Variants in NEDD4L observed in about 807,000 individuals in gnomAD.
The protein encoded by NEDD4L is E3 ubiquitin-protein ligase NEDD4-like.
In NEDD4L, 54 loss-of-function variants were observed where a neutral mutation model predicts 148.9. The observed-to-expected ratio is 0.36, with a 90% CI of 0.29 to 0.45. NEDD4L has a LOEUF of 0.45. Among genes scored for constraint, NEDD4L ranks in the 20% least tolerant of loss-of-function variants. The pLI is 1.00. For missense variants in NEDD4L, 856 were observed against 1,233.8 expected (o/e 0.69, Z 4.59); for synonymous variants, 433 against 440.7 (o/e 0.98, Z 0.22).
intron 2 of NEDD4L, among the ~76,000 whole-genome samples, chr18:58,193,388 C>T (rs1406441001): frequency 1.3e-5 from 2 of 152,234 alleles, no homozygotes; most frequent in South Asian, 2.1e-4. Flanking sequence ...TCCTGTCATA[C>T]TGCAAACAGA....
At chr18:58,338,293 CA>C (rs1857681367) in intron 13 of NEDD4L, among the ~76,000 whole-genome samples, 1 of 152,198 alleles carries the variant, frequency 6.6e-6, no homozygotes, top group African/African-American at 2.4e-5. Flanking sequence ...CACAGAACAG[CA>C]GAAGGCTGGT....
intron 5 of NEDD4L, among the ~76,000 whole-genome samples, chr18:58,315,556 A>G (rs1032125642): frequency 1.3e-5 from 2 of 152,120 alleles, no homozygotes; most frequent in East Asian, 1.9e-4. Context: ...TAACTAGGCC[A>G]TATACTTTTT....
chr18:58,341,536 TA>T, intron 14 of NEDD4L, 141 bp from the exon 15 acceptor site: 1 of 841,502 alleles, frequency 1.2e-6, no homozygotes, highest in South Asian at 1.8e-5. Context: ...CCCCCATCAT[TA>T]TGTTTAATTA....
At chr18:58,242,513 C>G (rs1160944257) in intron 2 of NEDD4L, among the ~76,000 whole-genome samples, 1 of 151,792 alleles carries the variant, frequency 6.6e-6, no homozygotes, top group African/African-American at 2.4e-5. Flanking sequence ...GAGACAGGGT[C>G]TCACTCTGTC....
At chr18:58,162,802 G>A (rs1259166695) in intron 1 of NEDD4L, among the ~76,000 whole-genome samples, 2 of 151,990 alleles carry the variant, frequency 1.3e-5, no homozygotes, top group South Asian at 2.1e-4. Context: ...AGTGGCTCAC[G>A]CCTGTAATCC....
At chr18:58,047,344 G>C (rs2081632624) in intron 1 of NEDD4L, 8 of 985,048 alleles carry the variant, frequency 8.1e-6, no homozygotes, top group Non-Finnish European at 9.6e-6. Context: ...GAAAAGCATG[G>C]TATGTTTGGA....
intron 1 of NEDD4L, among the ~76,000 whole-genome samples, chr18:58,060,286 G>A (rs750014913): frequency 6.6e-6 from 1 of 152,178 alleles, no homozygotes; most frequent in Non-Finnish European, 1.5e-5. Flanking sequence ...GAAACCTGTT[G>A]AGATCTGGGC....
At chr18:58,280,138 G>A (rs961003828) in intron 5 of NEDD4L, among the ~76,000 whole-genome samples, 1 of 152,120 alleles carries the variant, frequency 6.6e-6, no homozygotes, top group Non-Finnish European at 1.5e-5. Flanking sequence ...AAACTCCTGG[G>A]CTCAAGTGAT....
intron 1 of NEDD4L, among the ~76,000 whole-genome samples, chr18:58,121,337 T>C (rs1051818174): frequency 5.9e-5 from 9 of 152,190 alleles, no homozygotes; most frequent in Admixed American, 5.2e-4. Context: ...TTCAGTGAGA[T>C]AGATTTTAGA....
chr18:58,071,912 A>T (rs902782312), intron 1 of NEDD4L, among the ~76,000 whole-genome samples: 1 of 152,216 alleles, frequency 6.6e-6, no homozygotes, highest in Non-Finnish European at 1.5e-5. Context: ...CTTATGATTC[A>T]GTTATCTCCA....
chr18:58,180,928 T>C (rs187028422), intron 2 of NEDD4L, among the ~76,000 whole-genome samples: 2 of 152,330 alleles, frequency 1.3e-5, no homozygotes, highest in African/African-American at 4.8e-5. Context: ...TTGGGGGGGT[T>C]ACAGCACCCT....
chr18:58,342,818 A>C, intron 15 of NEDD4L, 88 bp from the exon 16 acceptor site: 2 of 1,046,790 alleles, frequency 1.9e-6, no homozygotes, highest in South Asian at 2.8e-5. Flanking sequence ...CCATCTCCAA[A>C]GAGAAGCCTT....
chr18:58,370,471 A>C lies in NEDD4L; in HGVS notation c.2256+4A>C. The C allele has an allele frequency of 1.9e-6, 3 of 1,588,252 alleles. No individual in the cohort carries two copies. The South Asian group carries it at 3.3e-5, about 18-fold the overall frequency. On this transcript the variant is annotated splice_donor_region_variant and intron_variant, in intron 23 of 30. Transcript: ENST00000400345. Reference sequence around the variant, plus strand: ...CCTGAATGACATGGAATCTGTGGTAAGTAAATGCACGTCACACACTGGCCA... The same window carrying C: ...CCTGAATGACATGGAATCTGTGGTACGTAAATGCACGTCACACACTGGCCA...
At chr18:58,363,462 T>C (rs974039158) in intron 19 of NEDD4L, among the ~76,000 whole-genome samples, 2 of 152,206 alleles carry the variant, frequency 1.3e-5, no homozygotes, top group African/African-American at 4.8e-5. Context: ...CATAAAAATA[T>C]CGTAAGCTTT....
intron 1 of NEDD4L, chr18:58,055,014 G>A (rs1198580043): frequency 6.6e-6 from 1 of 152,188 alleles, no homozygotes; most frequent in African/African-American, 2.4e-5. Flanking sequence ...GTATACTGCA[G>A]CTGTGGGAGT....
At chr18:58,205,502 G>A (rs989964323) in intron 2 of NEDD4L, among the ~76,000 whole-genome samples, 24 of 150,578 alleles carry the variant, frequency 1.6e-4, no homozygotes, top group Admixed American at 2.0e-4. Flanking sequence ...GTGTGTATGT[G>A]TGTGTGTGTG....
intron 5 of NEDD4L, among the ~76,000 whole-genome samples, chr18:58,302,651 T>TGCA (rs1186096357): frequency 6.6e-6 from 1 of 152,242 alleles, no homozygotes; most frequent in Non-Finnish European, 1.5e-5. Flanking sequence ...AATAGTAACT[T>TGCA]GCAGCAGCCT....
intron 1 of NEDD4L, among the ~76,000 whole-genome samples, chr18:58,139,475 TCC>T (rs1264102611): frequency 3.2e-4 from 49 of 152,198 alleles, no homozygotes; most frequent in African/African-American, 1.0e-3. Context: ...ATGTTGATAA[TCC>T]TATCAACATT....
intron 9 of NEDD4L, among the ~76,000 whole-genome samples, chr18:58,327,119 G>A (rs2059379223): frequency 6.6e-6 from 1 of 152,220 alleles, no homozygotes; most frequent in South Asian, 2.1e-4. Context: ...TTTTTCTGTT[G>A]TTGTTTGAGA....
Sources: allele counts gnomAD v4.1 joint callset (sites outside exome capture counted in the v4.1 genomes callset), GRCh38; gene constraint gnomAD v4.1.1; transcripts MANE v1.5; gene names NCBI Gene and HGNC (gene_info 2026-07-23, HGNC 2026-07-21).